CFAP46: variants seen among roughly 807,000 people sequenced by gnomAD.
CFAP46 encodes cilia and flagella associated protein 46.
Under a neutral mutation model 325.7 loss-of-function variants are expected in CFAP46, and 245 were observed. The observed-to-expected ratio is 0.75, with a 90% CI of 0.68 to 0.84. The LOEUF is 0.84. Ranked by LOEUF, CFAP46 falls within the 40% of genes least tolerant of loss-of-function variation. CFAP46 has a pLI of 0.00. For synonymous variants in CFAP46, 1,523 were observed against 1,495.9 expected (o/e 1.02, Z -0.42); for missense variants, 3,346 against 3,543.0 (o/e 0.94, Z 1.41).
At chr10:132,858,926 G>A in intron 38 of CFAP46, 145 bp downstream of exon 38, 1 of 802,820 alleles carries the variant, frequency 1.2e-6, no homozygotes, top group Non-Finnish European at 1.9e-6. Flanking sequence ...TGAGGCGGCA[G>A]CCGAGAGCTT....
At chr10:132,898,906 G>GTC in intron 24 of CFAP46, 53 bp downstream of exon 24, 1 of 1,536,226 alleles carries the variant, frequency 6.5e-7, no homozygotes, top group Non-Finnish European at 8.8e-7. Flanking sequence ...CTTTCTGGAA[G>GTC]ACCCACTAGA....
At chr10:132,844,950 C>T (rs981953249) in intron 44 of CFAP46, among the ~76,000 whole-genome samples, 2 of 152,156 alleles carry the variant, frequency 1.3e-5, no homozygotes, top group Non-Finnish European at 2.9e-5. Flanking sequence ...AACTCCTGGG[C>T]TCAAGTGATC....
rs768005068 is a variant in CFAP46, at chr10:132,924,799, C to A, written c.1153G>T (p.Ala385Ser). 1 of 1,506,984 alleles carries A rather than the reference C, an allele frequency of 6.6e-7. No homozygotes were observed. Among genetic ancestry groups the A allele is most frequent in the South Asian group, 1.3e-5 (1 of 78,598 alleles). The allele number at this position is 1,506,984 out of a possible 1,614,324, so 93.4% of individuals were successfully genotyped here. A position where few individuals can be genotyped will look rare whatever the true frequency, so the allele number is the denominator to read the frequency against. Residue 385 changes from alanine (A) to serine (S), a missense_variant, in exon 11 of 58, where the codon GCC becomes TCC. By Grantham distance (99) the Ala-to-Ser change is moderately conservative. Coordinates refer to ENST00000368586, the MANE Select transcript of CFAP46 (RefSeq NM_001200049.3). ...GGCAGGCAGGTGTTCCACTGCGTGG[C>A]GCACACCACGTGGATGACCCGGGGG... ...GDPRVIHVVC[A>S]TQWNTCLPLL...
intron 7 of CFAP46, among the ~76,000 whole-genome samples, chr10:132,935,859 A>T (rs12764932): frequency 2.5e-3 from 113 of 45,558 alleles, no homozygotes; most frequent in Admixed American, 4.3e-3. Flanking sequence ...ATCTCCTCAC[A>T]GCCCTCAGCA....
chr10:132,942,199 GGC>G, intron 1 of CFAP46, 95 bp from the exon 2 acceptor site: 1 of 1,472,848 alleles, frequency 6.8e-7, no homozygotes, highest in Non-Finnish European at 9.1e-7. Context: ...AGCCGCCTTG[GGC>G]CCCCGGGCCA....
intron 25 of CFAP46, 24 bp from the exon 26 acceptor site, chr10:132,885,983 C>T (rs2135399582): frequency 6.5e-7 from 1 of 1,547,386 alleles, no homozygotes; most frequent in Admixed American, 2.0e-5. Context: ...GGAGGGGTGT[C>T]CTTGGAGCCG....
At chr10:132,918,966 A>C (rs1413195582) in intron 15 of CFAP46, among the ~76,000 whole-genome samples, 6 of 151,950 alleles carry the variant, frequency 3.9e-5, no homozygotes, top group Non-Finnish European at 7.4e-5. Context: ...TGCCCCACCC[A>C]TGTCCCGCTC....
chr10:132,859,883 C>T (rs1177580203), intron 37 of CFAP46, among the ~76,000 whole-genome samples: 4 of 152,198 alleles, frequency 2.6e-5, no homozygotes, highest in African/African-American at 7.2e-5. Context: ...GGTGAAACCC[C>T]ATCTCCACTA....
At chr10:132,885,676 G>A in intron 26 of CFAP46, 145 bp downstream of exon 26, 3 of 781,232 alleles carry the variant, frequency 3.8e-6, no homozygotes, top group Non-Finnish European at 6.0e-6. Context: ...GTGGTGGGGG[G>A]AGCACACTCC....
chr10:132,841,872 G>A (rs748769834), intron 44 of CFAP46, among the ~76,000 whole-genome samples: 3 of 152,220 alleles, frequency 2.0e-5, no homozygotes, highest in African/African-American at 4.8e-5. Context: ...ATCCACCAGT[G>A]CAATTCTGCC....
Position 132,859,220 on chromosome 10 carries a change from C to A in CFAP46, c.5226G>T (p.Ala1742=). The stretch of plus-strand genomic sequence containing the variant: ...TGGGTTCAGTGACCGCTGAGTGCTG[C>A]GCAACTCTGACCCGCAGGCTCAGGC... ...ARCLSLRVRV[A]QHSAVTEPTE... The change falls in exon 38 of 58, where the codon GCG becomes GCT. Residue 1742 remains alanine, a synonymous_variant. Transcript: ENST00000368586. 1 of 1,549,756 alleles carries A rather than the reference C, an allele frequency of 6.5e-7. No individual in the cohort carries two copies. The highest frequency in any genetic ancestry group is 1.2e-5 in the South Asian group (1 of 84,056).
chr10:132,917,575 G>C (rs11597534), intron 16 of CFAP46, among the ~76,000 whole-genome samples: 1 of 152,050 alleles, frequency 6.6e-6, no homozygotes, highest in Non-Finnish European at 1.5e-5. Flanking sequence ...TCTCCCCACC[G>C]AGTGGCGGTT....
intron 57 of CFAP46, among the ~76,000 whole-genome samples, chr10:132,809,932 G>T (rs577068781): frequency 1.3e-5 from 2 of 152,330 alleles, no homozygotes; most frequent in Admixed American, 6.5e-5. Context: ...TTCCTCTTCC[G>T]GGAGGCCTCT....
intron 18 of CFAP46, 97 bp downstream of exon 18, chr10:132,912,949 C>G: frequency 1.4e-6 from 2 of 1,475,324 alleles, no homozygotes; most frequent in Non-Finnish European, 1.8e-6. Flanking sequence ...TCTGCTGGGA[C>G]ACAGAGGGCC....
chr10:132,828,933 C>G lies in CFAP46; in HGVS notation c.7117+4425G>C, dbSNP rs540831299. The stretch of plus-strand genomic sequence containing the variant: ...CCCCGCCCCATCCCCTGGGTCTACA[C>G]GGCTACCGTCACGCCTGCGCTCCAC... On this transcript the variant is annotated intron_variant, in intron 50 of 57. Coordinates refer to ENST00000368586, the MANE Select transcript of CFAP46 (RefSeq NM_001200049.3). The surrounding 1 kb of genome is among the most constrained non-coding windows in gnomAD (Gnocchi z 4.9). 4.7e-4 allele frequency among the ~76,000 whole-genome samples: 71 copies of G among 152,130 alleles called. 1 individual carries two copies. Among genetic ancestry groups the G allele is most frequent in the African/African-American group, 1.5e-3 (63 of 41,406 alleles).
In CFAP46 at chr10:132,886,335, C is replaced by T. The variant is rs905022266; in HGVS notation, c.3305-376G>A. ...GTTGCATGGAAAGCTCCCCCGCGGC[C>T]GAGGACACAGCGCCACGTGCACGCT... On this transcript the variant is annotated intron_variant, in intron 25 of 57. Coordinates refer to ENST00000368586, the MANE Select transcript of CFAP46 (RefSeq NM_001200049.3). This position sits in a 1 kb window ranked among gnomAD's most constrained non-coding sequence, Gnocchi z 5.8. Among the ~76,000 whole-genome samples, 25 of 152,176 alleles carry T rather than the reference C, an allele frequency of 1.6e-4. No individual in the cohort carries two copies. The highest frequency in any genetic ancestry group is 5.1e-4 in the African/African-American group (21 of 41,444).
At chr10:132,933,990 T>C (rs1029742512) in intron 8 of CFAP46, among the ~76,000 whole-genome samples, 15 of 152,322 alleles carry the variant, frequency 9.8e-5, no homozygotes, top group Admixed American at 7.8e-4. Context: ...AGCGAGGTCA[T>C]GGACCTGTGC....
At chr10:132,811,985 A>G (rs906334524) in intron 55 of CFAP46, among the ~76,000 whole-genome samples, 2 of 152,248 alleles carry the variant, frequency 1.3e-5, no homozygotes, top group Non-Finnish European at 2.9e-5. Context: ...CAGTGGGGCC[A>G]TCAGCAGCCC....
chr10:132,942,369 C>T, intron 1 of CFAP46, 67 bp downstream of exon 1: 2 of 1,328,558 alleles, frequency 1.5e-6, no homozygotes, highest in Non-Finnish European at 9.7e-7. Flanking sequence ...GGGGCCTCCC[C>T]GGGGCGGGGG....
Sources: gnomAD v4.1 joint callset for allele counts (sites outside exome capture counted in the v4.1 genomes callset) on GRCh38, gnomAD v4.1.1 for gene constraint, Gnocchi (gnomAD v3.1) non-coding constraint, MANE v1.5 for transcripts, NCBI Gene and HGNC (gene_info 2026-07-23, HGNC 2026-07-21) for gene names.